FAM227B: variants seen among roughly 807,000 people sequenced by gnomAD.
The protein encoded by FAM227B is family with sequence similarity 227 member B, also known as protein FAM227B.
Under a neutral mutation model 73.8 loss-of-function variants are expected in FAM227B, and 88 were observed. The ratio of observed to expected loss-of-function variants is 1.19; its 90% CI spans 1.00 to 1.42. FAM227B has a LOEUF of 1.42. Among genes scored for constraint, FAM227B ranks in the 40% most tolerant of loss-of-function variants. The pLI, the probability that FAM227B is intolerant of heterozygous loss-of-function variation, is 0.00. For missense variants in FAM227B, 632 were observed against 590.9 expected (o/e 1.07, Z -0.72); for synonymous variants, 210 against 190.5 (o/e 1.10, Z -0.84).
chr15:49,407,767 A>C (rs1368106839), intron 11 of FAM227B, among the ~76,000 whole-genome samples: 2 of 151,604 alleles, frequency 1.3e-5, no homozygotes, highest in Non-Finnish European at 2.9e-5. Flanking sequence ...CCAAAAGTAC[A>C]TGATTGTGTA....
intron 2 of FAM227B, 121 bp from the exon 3 acceptor site, chr15:49,611,389 T>C (rs2153332449): frequency 1.9e-6 from 1 of 535,742 alleles, no homozygotes; most frequent in Admixed American, 3.3e-5. Context: ...CGGTAAGATA[T>C]CATAAAATGC....
Position 49,327,986 on chromosome 15 carries a change from G to A in FAM227B, c.*582C>T. On this transcript the variant is annotated 3_prime_UTR_variant, in exon 16 of 16. Coordinates refer to ENST00000299338, the MANE Select transcript of FAM227B (RefSeq NM_152647.3). The stretch of plus-strand genomic sequence containing the variant: ...GGCTCAAGGGTCACGACTTACTGGA[G>A]CAGGATGGGGAGGCTGCACAGTATC... The A allele has an allele frequency of 3.7e-6, 6 of 1,613,704 alleles. No individual in the cohort carries two copies. The South Asian group carries it at 5.5e-5, about 15-fold the overall frequency.
At chr15:49,494,728 G>GA (rs1011118397) in intron 11 of FAM227B, among the ~76,000 whole-genome samples, 26 of 152,060 alleles carry the variant, frequency 1.7e-4, no homozygotes, top group African/African-American at 5.8e-4. Flanking sequence ...GTTCCATAAG[G>GA]AAAAGGATAC....
intron 8 of FAM227B, 87 bp downstream of exon 8, chr15:49,574,924 A>G: frequency 2.8e-6 from 2 of 720,798 alleles, no homozygotes; most frequent in Non-Finnish European, 4.5e-6. Flanking sequence ...CATCCAGAAA[A>G]ACATTTTTGT....
At chr15:49,597,522 G>GA (rs1402146701) in intron 3 of FAM227B, among the ~76,000 whole-genome samples, 1 of 151,896 alleles carries the variant, frequency 6.6e-6, no homozygotes, top group East Asian at 1.9e-4. Flanking sequence ...AAGCCTGAAA[G>GA]AGCACAAGAA....
At chr15:49,575,417 C>T (rs189309810) in intron 7 of FAM227B, among the ~76,000 whole-genome samples, 166 of 151,616 alleles carry the variant, frequency 1.1e-3, no homozygotes, top group African/African-American at 3.6e-3. Flanking sequence ...ATTTGAAATA[C>T]GGTATATATT....
intron 3 of FAM227B, among the ~76,000 whole-genome samples, chr15:49,604,299 C>T (rs1045618893): frequency 7.9e-5 from 12 of 152,038 alleles, no homozygotes; most frequent in African/African-American, 1.2e-4. Flanking sequence ...GTTATCTTGA[C>T]TTCCATTTTT....
At chr15:49,558,569 A>G (rs2073960488) in intron 9 of FAM227B, among the ~76,000 whole-genome samples, 1 of 152,008 alleles carries the variant, frequency 6.6e-6, no homozygotes, top group African/African-American at 2.4e-5. Context: ...CAGGTTTGTG[A>G]TATTCCTTTT....
chr15:49,578,469 C>CATAGATAGATAGATAG (rs141756297), intron 5 of FAM227B, among the ~76,000 whole-genome samples: 4,478 of 151,442 alleles, frequency 0.03, 156 homozygotes, highest in East Asian at 0.2. Flanking sequence ...TATAGACAGA[C>CATAGATAGATAGATAG]ATAGATAGAT....
intron 9 of FAM227B, among the ~76,000 whole-genome samples, chr15:49,567,354 T>C (rs1394225371): frequency 1.3e-5 from 2 of 152,162 alleles, no homozygotes; most frequent in African/African-American, 2.4e-5. Flanking sequence ...CCTGAGAGGC[T>C]GAGTGGCTTG....
intron 11 of FAM227B, chr15:49,488,121 T>C (rs1236418304): frequency 6.6e-6 from 1 of 152,024 alleles, no homozygotes; most frequent in Admixed American, 6.6e-5. Flanking sequence ...CCACTATGAC[T>C]AACTTGTGGG....
At chr15:49,373,258 A>G (rs1438588827) in intron 11 of FAM227B, among the ~76,000 whole-genome samples, 3 of 152,120 alleles carry the variant, frequency 2.0e-5, no homozygotes, top group African/African-American at 4.8e-5. Context: ...ATATGAGGCA[A>G]GGTGTCTAAG....
intron 14 of FAM227B, among the ~76,000 whole-genome samples, chr15:49,333,714 G>A (rs1388304450): frequency 6.6e-6 from 1 of 152,226 alleles, no homozygotes; most frequent in East Asian, 1.9e-4. Flanking sequence ...TCTCCCTAGG[G>A]GGCTTGTCTG....
At chr15:49,354,374 G>C (rs1404481936) in intron 13 of FAM227B, among the ~76,000 whole-genome samples, 1 of 152,164 alleles carries the variant, frequency 6.6e-6, no homozygotes, top group Non-Finnish European at 1.5e-5. Context: ...AGTGGGCGCA[G>C]GTCAGTGGGT....
chr15:49,361,499 T>G (rs986297819), intron 13 of FAM227B, among the ~76,000 whole-genome samples: 2 of 152,176 alleles, frequency 1.3e-5, no homozygotes, highest in Non-Finnish European at 2.9e-5. Flanking sequence ...ACATGTGGTT[T>G]TAGTTTTCTG....
chr15:49,576,717 C>G, intron 7 of FAM227B, 24 bp downstream of exon 7: 1 of 1,283,766 alleles, frequency 7.8e-7, no homozygotes, highest in Non-Finnish European at 1.1e-6. Context: ...ATGTATCCTA[C>G]AATAAAATGA....
At chr15:49,387,809 A>G (rs1372254723) in intron 11 of FAM227B, among the ~76,000 whole-genome samples, 2 of 151,816 alleles carry the variant, frequency 1.3e-5, no homozygotes, top group Non-Finnish European at 3.0e-5. Context: ...AATGTACAAC[A>G]ATATCATTGT....
chr15:49,517,735 T>C (rs1348231164), intron 10 of FAM227B, among the ~76,000 whole-genome samples: 2 of 152,204 alleles, frequency 1.3e-5, no homozygotes, highest in Non-Finnish European at 2.9e-5. Context: ...ATTAATTTTT[T>C]ACAAATTTAA....
At chr15:49,515,931 T>G (rs2059346858) in intron 10 of FAM227B, among the ~76,000 whole-genome samples, 2 of 152,112 alleles carry the variant, frequency 1.3e-5, no homozygotes, top group African/African-American at 4.8e-5. Context: ...AGCTCAGTGA[T>G]GGGCTATGTT....
Sources: allele counts gnomAD v4.1 joint callset (sites outside exome capture counted in the v4.1 genomes callset), GRCh38; gene constraint gnomAD v4.1.1; transcripts MANE v1.5; gene names NCBI Gene and HGNC (gene_info 2026-07-23, HGNC 2026-07-21).